The following NUGGC variants were observed in gnomAD, a reference collection of about 807,000 sequenced individuals.
NUGGC encodes nuclear GTPase SLIP-GC.
NUGGC carries 58 observed loss-of-function variants against 92.6 expected under a neutral mutation model. The observed-to-expected ratio is 0.63, with a 90% confidence interval of 0.51 to 0.78. The LOEUF (loss-of-function observed/expected upper bound fraction) is 0.78, where lower values mean the gene tolerates loss of function less well. Among genes scored for constraint, NUGGC ranks in the 30% least tolerant of loss-of-function variants. The pLI is 0.00. For missense variants in NUGGC, 925 were observed against 964.6 expected (o/e 0.96, Z 0.54); for synonymous variants, 376 against 366.4 (o/e 1.03, Z -0.30).
At chr8:28,083,227 A>G (rs1810892982) in intron 1 of NUGGC, among the ~76,000 whole-genome samples, 1 of 152,208 alleles carries the variant, frequency 6.6e-6, no homozygotes, top group African/African-American at 2.4e-5. Flanking sequence ...CAACACCAAC[A>G]GTCCTAAATC....
intron 16 of NUGGC, 56 bp from the exon 17 acceptor site, chr8:28,029,458 T>A (rs967110705): frequency 2.5e-6 from 4 of 1,591,964 alleles, no homozygotes; most frequent in African/African-American, 2.7e-5. Context: ...TAGAAATCTT[T>A]GGCACCATGG....
intron 13 of NUGGC, among the ~76,000 whole-genome samples, chr8:28,039,936 C>G (rs895424111): frequency 1.3e-5 from 2 of 152,150 alleles, no homozygotes; most frequent in African/African-American, 4.8e-5. Context: ...GGGTGGGGCC[C>G]TGATCTGACA....
intron 11 of NUGGC, among the ~76,000 whole-genome samples, chr8:28,046,433 G>A (rs1291511427): frequency 1.3e-5 from 2 of 152,146 alleles, no homozygotes; most frequent in Non-Finnish European, 2.9e-5. Flanking sequence ...TGAGTATCTA[G>A]CGCACGCAGA....
rs1341675297 is a variant in NUGGC, at chr8:28,023,143, C to A, written c.*174G>T. On this transcript the variant is annotated 3_prime_UTR_variant, in exon 19 of 19. Coordinates refer to ENST00000413272, the MANE Select transcript of NUGGC (RefSeq NM_001010906.2). ...GCCCCAGCTGCTCTGGAGGCTGAGG[C>A]TGGAGGATCGCTTGAGCCTAGGAGT... 12 of 626,962 alleles carry A rather than the reference C, an allele frequency of 1.9e-5. No homozygotes were observed. The highest frequency in any genetic ancestry group is 2.9e-5 in the Non-Finnish European group (11 of 380,006). 38.8% of individuals were successfully genotyped at this position (626,962 alleles called of 1,614,324 possible).
intron 10 of NUGGC, among the ~76,000 whole-genome samples, chr8:28,055,480 A>G (rs1365923518): frequency 6.6e-6 from 1 of 152,298 alleles, no homozygotes; most frequent in East Asian, 1.9e-4. Flanking sequence ...GATAGATATC[A>G]TTATCTCCCT....
chr8:28,074,432 C>T lies in NUGGC; in HGVS notation c.-22G>A, dbSNP rs201317094. The T allele has an allele frequency of 5.0e-6, 8 of 1,613,146 alleles. No homozygotes were observed. In the African/African-American group the frequency reaches 1.1e-4, roughly 21 times the overall value. On this transcript the variant is annotated 5_prime_UTR_variant, in exon 2 of 19. Coordinates refer to ENST00000413272, the MANE Select transcript of NUGGC (RefSeq NM_001010906.2). ...CCATTCCTTGTTACGTGAACTCCTG[C>T]TCTTCTCAGTTCAGGAGAACCAGCC...
At chr8:28,039,458 C>G (rs575634039) in intron 13 of NUGGC, among the ~76,000 whole-genome samples, 2 of 152,312 alleles carry the variant, frequency 1.3e-5, no homozygotes, top group African/African-American at 4.8e-5. Context: ...TCTCAAACTC[C>G]TGACCTCAGG....
intron 1 of NUGGC, among the ~76,000 whole-genome samples, chr8:28,081,907 T>C (rs1356614721): frequency 6.7e-6 from 1 of 149,880 alleles, no homozygotes; most frequent in Non-Finnish European, 1.5e-5. Flanking sequence ...TTTGGTCAAG[T>C]TTTTTCTTGC....
At chr8:28,045,484 G>A in intron 12 of NUGGC, 43 bp downstream of exon 12, 1 of 1,586,720 alleles carries the variant, frequency 6.3e-7, no homozygotes. Flanking sequence ...GAAATGTCCT[G>A]CCCAGGAAGG....
Position 28,074,464 on chromosome 8 carries a change from G to C in NUGGC, c.-46-8C>G. On this transcript the variant is annotated splice_polypyrimidine_tract_variant and splice_region_variant and intron_variant, in intron 1 of 18. Coordinates refer to ENST00000413272, the MANE Select transcript of NUGGC (RefSeq NM_001010906.2). ...CAGTTCAGGAGAACCAGCCTGTGAA[G>C]ACAAAGTACAAAGACAGGTGGGGCA... 1.9e-6 allele frequency: 3 copies of C among 1,600,458 alleles called. No individual in the cohort carries two copies. Among genetic ancestry groups the C allele is most frequent in the Non-Finnish European group, 2.6e-6 (3 of 1,169,456 alleles).
intron 13 of NUGGC, among the ~76,000 whole-genome samples, chr8:28,037,861 AG>A (rs35318399): frequency 0.012 from 1,773 of 152,278 alleles, 43 homozygotes; most frequent in African/African-American, 0.04. Context: ...ACCAGCACCT[AG>A]GGGGTAGAGT....
chr8:28,050,149 G>A (rs541477682), intron 10 of NUGGC, among the ~76,000 whole-genome samples: 2 of 152,170 alleles, frequency 1.3e-5, no homozygotes, highest in South Asian at 2.1e-4. Context: ...ACTTCGGGAG[G>A]CCGAGGCGGG....
chr8:28,082,216 C>A, intron 1 of NUGGC, among the ~76,000 whole-genome samples: 1 of 152,174 alleles, frequency 6.6e-6, no homozygotes, highest in Non-Finnish European at 1.5e-5. Context: ...AACACATCGG[C>A]TAATGTGTTC....
Position 28,060,697 on chromosome 8 carries a change from G to A in NUGGC, c.922-96C>T, listed in dbSNP as rs1810282198. ...TGTATCCCTTAAGCCTCTCCCTCCA[G>A]TCCCACCCCTCACCGCTCCCCACCG... is the stretch of plus-strand genomic sequence containing the variant. On this transcript the variant is annotated intron_variant, in intron 7 of 18. Transcript: ENST00000413272. The A allele has an allele frequency of 7.4e-6, 8 of 1,087,136 alleles. No individual in the cohort carries two copies. In the South Asian group the frequency reaches 1.3e-4, roughly 18 times the overall value. The allele number at this position is 1,087,136 out of a possible 1,614,324, so 67.3% of individuals were successfully genotyped here.
At position 28,027,029 on chromosome 8, in the gene NUGGC, C is replaced by G. The variant is rs1809281370; in HGVS notation, c.2178G>C (p.Lys726Asn). Residue 726 changes from lysine to asparagine, a missense_variant, in exon 18 of 19, where the codon AAG (lysine) becomes AAC (asparagine). Transcript: ENST00000413272. ...GGGCCAGCATAGTGGTGATGCTGCCCTTCACCTTCTCCACGATTCCAGTCT... is the reference window on the plus strand; with the variant it reads ...GGGCCAGCATAGTGGTGATGCTGCCGTTCACCTTCTCCACGATTCCAGTCT... ...QLKTGIVEKV[K>N]GSITTMLALA... 2 of 1,613,432 alleles carry G rather than the reference C, an allele frequency of 1.2e-6. No individual in the cohort carries two copies. Among genetic ancestry groups the G allele is most frequent in the African/African-American group, 1.3e-5 (1 of 74,894 alleles).
chr8:28,046,018 C>T (rs1382145660), intron 11 of NUGGC, among the ~76,000 whole-genome samples: 2 of 152,132 alleles, frequency 1.3e-5, no homozygotes, highest in Admixed American at 6.5e-5. Context: ...CTTCAGTCCC[C>T]CTAGACTTTT....
At chr8:28,065,786 G>A (rs1810425631) in intron 6 of NUGGC, among the ~76,000 whole-genome samples, 2 of 152,202 alleles carry the variant, frequency 1.3e-5, no homozygotes, top group Non-Finnish European at 2.9e-5. Flanking sequence ...TGGATTTGTT[G>A]CAATCTGGGG....
intron 18 of NUGGC, among the ~76,000 whole-genome samples, chr8:28,024,195 CTTTTTTTTT>C (rs763885790): frequency 8.1e-6 from 1 of 124,032 alleles, no homozygotes; most frequent in African/African-American, 3.0e-5. Context: ...TAAATTCTTT[CTTTTTTTTT>C]TTTTTTTTTT....
chr8:28,032,145 G>A (rs1157958708), intron 14 of NUGGC, among the ~76,000 whole-genome samples: 1 of 152,236 alleles, frequency 6.6e-6, no homozygotes, highest in Non-Finnish European at 1.5e-5. Flanking sequence ...GCAAGCTGGA[G>A]GCAGGTGGAA....
Sources: gnomAD v4.1 joint callset for allele counts (sites outside exome capture counted in the v4.1 genomes callset) on GRCh38, gnomAD v4.1.1 for gene constraint, MANE v1.5 for transcripts, NCBI Gene and HGNC (gene_info 2026-07-23, HGNC 2026-07-21) for gene names.